Variants in CDH13 observed in about 807,000 individuals in gnomAD.
CDH13 encodes the protein cadherin-13.
In CDH13, 24 loss-of-function variants were observed where a neutral mutation model predicts 63.8. The ratio of observed to expected loss-of-function variants is 0.38; its 90% CI spans 0.27 to 0.53. The LOEUF is 0.53. Among genes scored for constraint, CDH13 ranks in the 20% least tolerant of loss-of-function variants. The probability of loss-of-function intolerance (pLI) is 0.85; values close to 1 mark genes in which losing one functional copy is unlikely to be tolerated. For synonymous variants in CDH13, 503 were observed against 355.3 expected (o/e 1.42, Z -4.67); for missense variants, 1,049 against 903.1 (o/e 1.16, Z -2.07).
intron 4 of CDH13, among the ~76,000 whole-genome samples, chr16:83,173,608 ATT>A (rs2038010148): frequency 6.6e-6 from 1 of 152,218 alleles, no homozygotes; most frequent in East Asian, 1.9e-4. Context: ...ATACTAAAGA[ATT>A]TGTGTTTGTT....
chr16:83,220,168 C>G (rs1313277015), intron 5 of CDH13, among the ~76,000 whole-genome samples: 1 of 152,188 alleles, frequency 6.6e-6, no homozygotes, highest in African/African-American at 2.4e-5. Context: ...GGTCATTGTC[C>G]TGTTTTCATC....
intron 2 of CDH13, among the ~76,000 whole-genome samples, chr16:82,915,112 C>G (rs1422615209): frequency 6.6e-6 from 1 of 152,218 alleles, no homozygotes; most frequent in African/African-American, 2.4e-5. Context: ...ACAGCTTAAA[C>G]AGAACTCAAG....
intron 8 of CDH13, among the ~76,000 whole-genome samples, chr16:83,668,428 A>G (rs1914200833): frequency 6.6e-6 from 1 of 152,196 alleles, no homozygotes; most frequent in Non-Finnish European, 1.5e-5. Flanking sequence ...TCACTTATGC[A>G]CTGGACATGA....
chr16:82,650,243 C>T (rs1028845612), intron 1 of CDH13, among the ~76,000 whole-genome samples: 5 of 151,778 alleles, frequency 3.3e-5, no homozygotes, highest in African/African-American at 1.2e-4. Context: ...ATTTTTTTCT[C>T]CTTTTTGAAA....
intron 2 of CDH13, among the ~76,000 whole-genome samples, chr16:82,983,537 G>A (rs189888813): frequency 2.0e-5 from 3 of 152,280 alleles, no homozygotes; most frequent in East Asian, 1.9e-4. Context: ...GCAACCAGAC[G>A]ATGCAAACTC....
At chr16:82,662,952 A>G (rs528319048) in intron 1 of CDH13, among the ~76,000 whole-genome samples, 57 of 152,250 alleles carry the variant, frequency 3.7e-4, no homozygotes, top group African/African-American at 1.3e-3. Context: ...AAATCGGTAC[A>G]TTGATGATTT....
At chr16:83,140,610 T>C (rs13337705) in intron 4 of CDH13, among the ~76,000 whole-genome samples, 40,388 of 151,994 alleles carry the variant, frequency 0.27, 5,754 homozygotes, top group African/African-American at 0.37. Context: ...CCTGCCACCA[T>C]GCCCTGGCTA....
chr16:83,407,898 A>G (rs746775091), intron 6 of CDH13, among the ~76,000 whole-genome samples: 3 of 152,212 alleles, frequency 2.0e-5, no homozygotes, highest in Non-Finnish European at 4.4e-5. Flanking sequence ...GCATTTTAAA[A>G]GGGCAGAGTT....
rs533903698 is a variant in CDH13 at position 83,661,773 on chromosome 16, C to T, written c.1102-9017C>T. ...TTCCTCAAAAGCCATGGACTCAGCACCTTCTGTGTATCTGCAGCCAACACA... is the reference window on the plus strand; with the variant it reads ...TTCCTCAAAAGCCATGGACTCAGCATCTTCTGTGTATCTGCAGCCAACACA... On this transcript the variant is annotated intron_variant, in intron 8 of 13. Transcript: ENST00000567109. Among the ~76,000 whole-genome samples the T allele has an allele frequency of 4.6e-5, 7 of 152,336 alleles. 1 individual carries two copies. In the South Asian group the frequency reaches 1.4e-3, roughly 32 times the overall value.
At chr16:83,697,050 T>G (rs1598499584) in intron 10 of CDH13, among the ~76,000 whole-genome samples, 1 of 152,344 alleles carries the variant, frequency 6.6e-6, no homozygotes, top group African/African-American at 2.4e-5. Flanking sequence ...TCAGGAACTG[T>G]GCAAACATCA....
chr16:82,982,169 T>G (rs1325272315), intron 2 of CDH13, among the ~76,000 whole-genome samples: 1 of 152,170 alleles, frequency 6.6e-6, no homozygotes, highest in Non-Finnish European at 1.5e-5. Flanking sequence ...TAATAATGCT[T>G]TGTAGGAAGG....
intron 1 of CDH13, chr16:82,639,287 A>G (rs748239963): frequency 3.2e-5 from 34 of 1,061,090 alleles, no homozygotes; most frequent in Non-Finnish European, 4.1e-5. Flanking sequence ...TGGGCTACTG[A>G]TTGCAACCTT....
intron 5 of CDH13, among the ~76,000 whole-genome samples, chr16:83,324,540 A>T (rs1015880714): frequency 6.6e-6 from 1 of 152,172 alleles, no homozygotes; most frequent in African/African-American, 2.4e-5. Flanking sequence ...ACTTAGCAAG[A>T]TGTTTTCCAG....
chr16:83,647,387 G>T (rs1471258795), intron 8 of CDH13, among the ~76,000 whole-genome samples: 1 of 152,032 alleles, frequency 6.6e-6, no homozygotes, highest in African/African-American at 2.4e-5. Flanking sequence ...TTGCTCACGG[G>T]TGACCCCAGG....
Position 83,758,934 on chromosome 16 carries a change from C to T in CDH13, c.1681+10684C>T, listed in dbSNP as rs1016775598. Among the ~76,000 whole-genome samples the T allele has an allele frequency of 4.6e-5, 7 of 152,278 alleles. No individual in the cohort carries two copies. In the East Asian group the frequency reaches 1.2e-3, roughly 25 times the overall value. On this transcript the variant is annotated intron_variant, in intron 11 of 13. Coordinates refer to ENST00000567109, the MANE Select transcript of CDH13 (RefSeq NM_001257.5). The stretch of plus-strand genomic sequence containing the variant: ...TATACCATGTTCATGGATTGGAAGG[C>T]TCAATGGTATTGAAATGACAATTCT...
chr16:83,718,716 G>C (rs554231370), intron 10 of CDH13, among the ~76,000 whole-genome samples: 1 of 152,114 alleles, frequency 6.6e-6, no homozygotes, highest in African/African-American at 2.4e-5. Flanking sequence ...AGCCAGCTTG[G>C]CCCACACTCT....
chr16:83,380,791 G>C (rs781245415), intron 6 of CDH13, among the ~76,000 whole-genome samples: 6 of 151,494 alleles, frequency 4.0e-5, no homozygotes, highest in African/African-American at 1.2e-4. Context: ...CTGCAAGGGG[G>C]ATAGAGAATA....
intron 1 of CDH13, among the ~76,000 whole-genome samples, chr16:82,753,348 C>T (rs762369967): frequency 9.2e-5 from 14 of 152,168 alleles, no homozygotes; most frequent in Non-Finnish European, 1.9e-4. Context: ...CATTTTCCTC[C>T]TACCTCTTCA....
At chr16:82,951,065 C>T (rs1362653230) in intron 2 of CDH13, among the ~76,000 whole-genome samples, 2 of 152,158 alleles carry the variant, frequency 1.3e-5, no homozygotes, top group African/African-American at 4.8e-5. Context: ...GCCCAGATAC[C>T]TTCCCTTGGC....
Sources: gnomAD v4.1 joint callset for allele counts (sites outside exome capture counted in the v4.1 genomes callset) on GRCh38, gnomAD v4.1.1 for gene constraint, MANE v1.5 for transcripts, NCBI Gene and HGNC (gene_info 2026-07-23, HGNC 2026-07-21) for gene names.